CDH6: variants seen among roughly 807,000 people sequenced by gnomAD.
CDH6 encodes the protein cadherin-6.
In CDH6, 31 loss-of-function variants were observed where a neutral mutation model predicts 78.0. The ratio of observed to expected loss-of-function variants is 0.40; its 90% confidence interval spans 0.30 to 0.54. The LOEUF (loss-of-function observed/expected upper bound fraction) is 0.54. Ranked by LOEUF, CDH6 falls within the 20% of genes least tolerant of loss-of-function variation. The probability of loss-of-function intolerance (pLI) is 0.56; values close to 1 mark genes in which losing one functional copy is unlikely to be tolerated. For synonymous variants in CDH6, 376 were observed against 368.8 expected (o/e 1.02, Z -0.23); for missense variants, 724 against 975.9 (o/e 0.74, Z 3.44).
intron 2 of CDH6, among the ~76,000 whole-genome samples, chr5:31,291,495 A>G (rs1299944795): frequency 1.3e-5 from 2 of 152,166 alleles, no homozygotes; most frequent in Non-Finnish European, 2.9e-5. Context: ...AGCTCTTATT[A>G]TCCTCATTTT....
At chr5:31,241,865 T>C (rs1447438417) in intron 1 of CDH6, among the ~76,000 whole-genome samples, 1 of 152,248 alleles carries the variant, frequency 6.6e-6, no homozygotes, top group African/African-American at 2.4e-5. Flanking sequence ...AAATGTGTTT[T>C]CGTGCCTATA....
intron 1 of CDH6, among the ~76,000 whole-genome samples, chr5:31,195,608 G>A (rs1249096447): frequency 6.6e-6 from 1 of 152,168 alleles, no homozygotes; most frequent in Admixed American, 6.5e-5. Flanking sequence ...TGTGAAGAAA[G>A]GGGTATGCTT....
Position 31,200,793 on chromosome 5 carries a change from G to A in CDH6, c.-129+6907G>A, listed in dbSNP as rs952287789. On this transcript the variant is annotated intron_variant, in intron 1 of 11. Transcript: ENST00000265071. The stretch of plus-strand genomic sequence containing the variant: ...CACGTTTTATATGGTTGACATTGAT[G>A]AGCCATTTTCATTATATTCTCTTCT... Among the ~76,000 whole-genome samples the A allele has an allele frequency of 3.3e-5, 5 of 152,090 alleles. No homozygotes were observed. In the East Asian group the frequency reaches 5.8e-4, roughly 18 times the overall value.
intron 7 of CDH6, among the ~76,000 whole-genome samples, chr5:31,310,227 G>T (rs377185890): frequency 2.8e-5 from 1 of 35,178 alleles, no homozygotes; most frequent in Non-Finnish European, 9.1e-5. Flanking sequence ...TTGGCCACAG[G>T]CCCCATGCAA....
intron 1 of CDH6, among the ~76,000 whole-genome samples, chr5:31,210,711 A>G: frequency 6.6e-6 from 1 of 152,188 alleles, no homozygotes; most frequent in East Asian, 1.9e-4. Flanking sequence ...TATACTTTAA[A>G]TCAACTCTAA....
rs912480093 is a variant in CDH6, at chr5:31,262,313, A to G, written c.-128-5033A>G. On this transcript the variant is annotated intron_variant, in intron 1 of 11. Coordinates refer to ENST00000265071, the MANE Select transcript of CDH6 (RefSeq NM_004932.4). ...CTATGTGGGCCTTGCCCCACTATCC[A>G]TAAACATCTCAATTACCTTCTAGTC... Among the ~76,000 whole-genome samples the G allele has an allele frequency of 5.3e-5, 8 of 152,380 alleles. No homozygotes were observed. The East Asian group carries it at 1.5e-3, about 29-fold the overall frequency.
chr5:31,283,207 C>T (rs567154972), intron 2 of CDH6, among the ~76,000 whole-genome samples: 22 of 152,252 alleles, frequency 1.4e-4, no homozygotes, highest in African/African-American at 5.3e-4. Context: ...TATGGGACAG[C>T]TCCCCAAACA....
chr5:31,237,888 T>C (rs1741495516), intron 1 of CDH6, among the ~76,000 whole-genome samples: 1 of 152,208 alleles, frequency 6.6e-6, no homozygotes, highest in South Asian at 2.1e-4. Flanking sequence ...GGAGTCAGTT[T>C]CCTCCTCTGT....
chr5:31,237,669 AT>A (rs1442040254), intron 1 of CDH6, among the ~76,000 whole-genome samples: 10 of 152,060 alleles, frequency 6.6e-5, no homozygotes, highest in African/African-American at 2.4e-4. Flanking sequence ...GGATATGACC[AT>A]TTTCCCCCCA....
At position 31,305,217 on chromosome 5, in the gene CDH6, A is replaced by G; in HGVS notation, c.1043A>G (p.Glu348Gly). 1 of 1,614,012 alleles carries G rather than the reference A, an allele frequency of 6.2e-7. No individual in the cohort carries two copies. The highest frequency in any genetic ancestry group is 8.5e-7 in the Non-Finnish European group (1 of 1,179,960). The change falls in exon 7 of 12, where the codon GAA becomes GGA. Residue 348 changes from glutamate to glycine, a missense_variant. Physicochemically the swap from Glu to Gly is moderately conservative, Grantham distance 98. Transcript: ENST00000265071. ...EKKKVYTLKV[E>G]ASNPYVEPRF... is the part of the protein sequence containing the mutation. ...AAGAAAGTGTATACCCTTAAAGTGG[A>G]AGCCTCCAATCCTTATGTTGAGCCA...
intron 4 of CDH6, among the ~76,000 whole-genome samples, chr5:31,299,160 A>T (rs953507107): frequency 2.0e-5 from 3 of 152,184 alleles, no homozygotes; most frequent in Non-Finnish European, 4.4e-5. Flanking sequence ...ATGTTTATAC[A>T]TCCATAATGT....
chr5:31,249,138 T>C (rs1363172930), intron 1 of CDH6: 3 of 152,228 alleles, frequency 2.0e-5, no homozygotes, highest in Non-Finnish European at 4.4e-5. Flanking sequence ...CATGCAATTT[T>C]ATATATTTTT....
At chr5:31,310,916 T>G (rs111623636) in intron 7 of CDH6, among the ~76,000 whole-genome samples, 19 of 152,330 alleles carry the variant, frequency 1.2e-4, no homozygotes, top group African/African-American at 4.1e-4. Flanking sequence ...CCTATGCCTC[T>G]GGGCCTGTGA....
chr5:31,294,729 T>A lies in CDH6; in HGVS notation c.523+473T>A, dbSNP rs190051793. On this transcript the variant is annotated intron_variant, in intron 3 of 11. Transcript: ENST00000265071. The surrounding 1 kb of genome is among the most constrained non-coding windows in gnomAD (Gnocchi z 4.1). ...GGGAAGGAGATCAAAGAACTTTTTT[T>A]AATCCATAAACAATAGGCACGTTAT... Among the ~76,000 whole-genome samples the A allele has an allele frequency of 2.1e-4, 32 of 152,368 alleles. No individual in the cohort carries two copies. Among genetic ancestry groups the A allele is most frequent in the African/African-American group, 6.7e-4 (28 of 41,600 alleles).
At chr5:31,250,508 C>T (rs555806171) in intron 1 of CDH6, 4 of 152,770 alleles carry the variant, frequency 2.6e-5, no homozygotes, top group East Asian at 3.9e-4. Context: ...GAGGGGCGCT[C>T]TTACATCCTC....
intron 1 of CDH6, among the ~76,000 whole-genome samples, chr5:31,265,593 G>C (rs897410394): frequency 6.6e-6 from 1 of 151,964 alleles, no homozygotes; most frequent in African/African-American, 2.4e-5. Flanking sequence ...AGAATGACAA[G>C]AATCAAGTGA....
chr5:31,328,015 C>CT lies in CDH6; in HGVS notation c.*4707_*4708insT, dbSNP rs1738654325. 4.6e-5 allele frequency: 10 copies of CT among 215,350 alleles called. No individual in the cohort carries two copies. The South Asian group carries it at 1.9e-3, about 40-fold the overall frequency. The allele number at this position is 215,350 out of a possible 1,614,324, so 13.3% of individuals were successfully genotyped here. The stretch of plus-strand genomic sequence containing the variant: ...CATTTTCATTTTTATTTGGGGGAAA[C>CT]GTTAGCCCAACAGAGCCGGCAGATG... On this transcript the variant is annotated 3_prime_UTR_variant, in exon 12 of 12. Coordinates refer to ENST00000265071, the MANE Select transcript of CDH6 (RefSeq NM_004932.4).
At chr5:31,196,222 G>A (rs965588043) in intron 1 of CDH6, among the ~76,000 whole-genome samples, 1 of 152,122 alleles carries the variant, frequency 6.6e-6, no homozygotes, top group African/African-American at 2.4e-5. Flanking sequence ...AAGAAAAAAT[G>A]TACCTTGCAA....
rs1317157992 is a variant in CDH6, at chr5:31,294,277, G to A, written c.523+21G>A. On this transcript the variant is annotated intron_variant, in intron 3 of 11. Transcript: ENST00000265071. This position sits in a 1 kb window ranked among gnomAD's most constrained non-coding sequence, Gnocchi z 4.1. ...TGTCGGTGAGTGAGACGTGACTTCA[G>A]CCAAAAGCTGGCTTTCCCCTAGTGC... 1 of 1,595,178 alleles carries A rather than the reference G, an allele frequency of 6.3e-7. No homozygotes were observed. The highest frequency in any genetic ancestry group is 1.7e-5 in the Admixed American group (1 of 58,502).
Sources: gnomAD v4.1 joint callset for allele counts (sites outside exome capture counted in the v4.1 genomes callset) on GRCh38, gnomAD v4.1.1 for gene constraint, Gnocchi (gnomAD v3.1) non-coding constraint, MANE v1.5 for transcripts, NCBI Gene and HGNC (gene_info 2026-07-23, HGNC 2026-07-21) for gene names.